Variants in OXNAD1 observed in about 807,000 individuals in gnomAD.
OXNAD1 encodes oxidoreductase NAD-binding domain-containing protein 1.
OXNAD1 carries 34 observed loss-of-function variants against 32.9 expected under a neutral mutation model. The observed-to-expected ratio is 1.03, with a 90% CI of 0.79 to 1.38. OXNAD1 has a LOEUF of 1.38. OXNAD1 is among the 40% of genes most tolerant of loss of function. The pLI is 0.00. For missense variants in OXNAD1, 407 were observed against 379.4 expected (o/e 1.07, Z -0.60); for synonymous variants, 134 against 135.2 (o/e 0.99, Z 0.06).
rs758445952 is a variant in OXNAD1, at chr3:16,301,582, C to T, written c.433-44C>T. 7 of 1,606,652 alleles carry T rather than the reference C, an allele frequency of 4.4e-6. No individual in the cohort carries two copies. Among genetic ancestry groups the T allele is most frequent in the Non-Finnish European group, 6.0e-6 (7 of 1,175,394 alleles). ...TTAAAGTAGAACATTTGGTTTAAGA[C>T]CTTTGCTACAAAAGACTAAAAGGTC... On this transcript the variant is annotated intron_variant, in intron 6 of 8. Transcript: ENST00000285083. This position sits in a 1 kb window ranked among gnomAD's most constrained non-coding sequence, Gnocchi z 4.1.
intron 6 of OXNAD1, among the ~76,000 whole-genome samples, chr3:16,296,884 G>A (rs1403020620): frequency 5.9e-5 from 9 of 152,032 alleles, no homozygotes; most frequent in Admixed American, 5.9e-4. Context: ...GTAAAACATG[G>A]TACTATAAAA....
intron 2 of OXNAD1, among the ~76,000 whole-genome samples, chr3:16,269,476 T>A (rs2064780012): frequency 6.6e-6 from 1 of 152,248 alleles, no homozygotes; most frequent in Non-Finnish European, 1.5e-5. Flanking sequence ...AAATATATCG[T>A]TTATCTAAAG....
intron 9 of OXNAD1, among the ~76,000 whole-genome samples, chr3:16,333,118 C>G (rs1027919697): frequency 6.6e-6 from 1 of 152,214 alleles, no homozygotes; most frequent in Admixed American, 6.5e-5. Context: ...TAAAGCACAT[C>G]ATAGCATTCC....
chr3:16,276,027 T>G (rs1210438317), intron 4 of OXNAD1: 1 of 155,308 alleles, frequency 6.4e-6, no homozygotes, highest in Non-Finnish European at 1.4e-5. Flanking sequence ...TTAACTAGTT[T>G]AAGAGTTAAC....
At position 16,297,906 on chromosome 3, in the gene OXNAD1, T is replaced by C. The variant is rs1436173115; in HGVS notation, c.432+2909T>C. ...ATATATGTTTTGATTTTGATGATTGTTACCCAGATCTATATGTGTGTTAAA... is the reference window on the plus strand; with the variant it reads ...ATATATGTTTTGATTTTGATGATTGCTACCCAGATCTATATGTGTGTTAAA... On this transcript the variant is annotated intron_variant, in intron 6 of 8. Transcript: ENST00000285083. This position sits in a 1 kb window ranked among gnomAD's most constrained non-coding sequence, Gnocchi z 4.3. 6.6e-6 allele frequency among the ~76,000 whole-genome samples: 1 copy of C among 152,208 alleles called. No homozygotes were observed. Among genetic ancestry groups the C allele is most frequent in the African/African-American group, 2.4e-5 (1 of 41,442 alleles).
chr3:16,270,910 A>G (rs1279224176), intron 2 of OXNAD1, 35 bp from the exon 3 acceptor site: 9 of 1,613,178 alleles, frequency 5.6e-6, no homozygotes, highest in Non-Finnish European at 7.6e-6. Context: ...ACTTTTAAAA[A>G]AACAATTTGA....
At chr3:16,349,148 A>G (rs891151713) in intron 9 of OXNAD1, 1 of 152,226 alleles carries the variant, frequency 6.6e-6, no homozygotes. Context: ...TGTATAAACT[A>G]AGCTTTTCTC....
rs748503127 is a variant in OXNAD1, at chr3:16,335,834, G to A, written c.*31-1278G>A. Among the ~76,000 whole-genome samples, 1 of 151,650 alleles carries A rather than the reference G, an allele frequency of 6.6e-6. No homozygotes were observed. The highest frequency in any genetic ancestry group is 2.1e-4 in the South Asian group (1 of 4,822). On this transcript the variant is annotated intron_variant, in intron 9 of 9. Coordinates refer to the OXNAD1 transcript ENST00000435829. This position sits in a 1 kb window ranked among gnomAD's most constrained non-coding sequence, Gnocchi z 4.7. ...ACCATCAAATATCTCAAGAGGGCAA[G>A]TCACAAGGAGCCTGGAAACTGGATG...
chr3:16,321,476 C>T lies in OXNAD1; in HGVS notation c.*31-15636C>T, dbSNP rs189343843. On this transcript the variant is annotated intron_variant, in intron 9 of 9. Transcript: ENST00000435829. The surrounding 1 kb of genome is among the most constrained non-coding windows in gnomAD (Gnocchi z 4.8). ...GATGAGGACTAGATGGAGTGACTCTCGGTCACCAGGGGACACAGGCCTGTG... is the reference window on the plus strand; with the variant it reads ...GATGAGGACTAGATGGAGTGACTCTTGGTCACCAGGGGACACAGGCCTGTG... Among the ~76,000 whole-genome samples, 45 of 152,270 alleles carry T rather than the reference C, an allele frequency of 3.0e-4. No individual in the cohort carries two copies. Among genetic ancestry groups the T allele is most frequent in the Non-Finnish European group, 5.0e-4 (34 of 68,012 alleles).
chr3:16,307,832 C>T (rs183542354), downstream of OXNAD1, among the ~76,000 whole-genome samples: 181 of 152,238 alleles, frequency 1.2e-3, 3 homozygotes, highest in Non-Finnish European at 2.0e-3. Context: ...AAATGTTTAA[C>T]GTAGTTGTGG....
At position 16,303,680 on chromosome 3, in the gene OXNAD1, T is replaced by C; in HGVS notation, c.*118T>C. The C allele has an allele frequency of 8.7e-7, 1 of 1,146,334 alleles. No homozygotes were observed. Among genetic ancestry groups the C allele is most frequent in the Non-Finnish European group, 1.2e-6 (1 of 851,632 alleles). 71.0% of individuals were successfully genotyped at this position (1,146,334 alleles called of 1,614,324 possible). ...TGAGTTGTCTTATTTTTTAAGGCTATAAACTTAGTGACCAGCTGGATAATA... is the reference window on the plus strand; with the variant it reads ...TGAGTTGTCTTATTTTTTAAGGCTACAAACTTAGTGACCAGCTGGATAATA... On this transcript the variant is annotated 3_prime_UTR_variant, in exon 9 of 9. Coordinates refer to ENST00000285083, the MANE Select transcript of OXNAD1 (RefSeq NM_138381.5). The surrounding 1 kb of genome is among the most constrained non-coding windows in gnomAD (Gnocchi z 4.8).
chr3:16,274,899 A>G (rs1291864147), intron 4 of OXNAD1, among the ~76,000 whole-genome samples: 2 of 152,268 alleles, frequency 1.3e-5, no homozygotes, highest in East Asian at 3.8e-4. Context: ...TTTTCTAAAA[A>G]TGAGCATTTT....
rs143871750 is a variant in OXNAD1, at chr3:16,320,841, C to T, written c.*31-16271C>T. Among the ~76,000 whole-genome samples, 60 of 152,308 alleles carry T rather than the reference C, an allele frequency of 3.9e-4. No homozygotes were observed. The highest frequency in any genetic ancestry group is 1.3e-3 in the African/African-American group (56 of 41,570). On this transcript the variant is annotated intron_variant, in intron 9 of 9. Transcript: ENST00000435829. This position sits in a 1 kb window ranked among gnomAD's most constrained non-coding sequence, Gnocchi z 4.5. ...GCCTTGAGGGCCACAGTACTGATTT[C>T]CATCTTTGTCTTCAGAGTCATACAA...
At position 16,336,776 on chromosome 3, in the gene OXNAD1, G is replaced by T. The variant is rs981707044; in HGVS notation, c.*31-336G>T. ...GACTCTTTACCCACCCAGTGCTGGT[G>T]AATTCACATCTTTGTCTCATTTTCT... is the stretch of plus-strand genomic sequence containing the variant. On this transcript the variant is annotated intron_variant, in intron 9 of 9. Transcript: ENST00000435829. The surrounding 1 kb of genome is among the most constrained non-coding windows in gnomAD (Gnocchi z 6.0). Among the ~76,000 whole-genome samples the T allele has an allele frequency of 6.6e-6, 1 of 152,170 alleles. No individual in the cohort carries two copies. Among genetic ancestry groups the T allele is most frequent in the African/African-American group, 2.4e-5 (1 of 41,434 alleles).
chr3:16,317,977 G>A lies in OXNAD1; in HGVS notation c.*30+14385G>A, dbSNP rs1192538894. Among the ~76,000 whole-genome samples the A allele has an allele frequency of 6.6e-6, 1 of 152,208 alleles. No homozygotes were observed. Among genetic ancestry groups the A allele is most frequent in the East Asian group, 1.9e-4 (1 of 5,202 alleles). On this transcript the variant is annotated intron_variant, in intron 9 of 9. Transcript: ENST00000435829. The surrounding 1 kb of genome is among the most constrained non-coding windows in gnomAD (Gnocchi z 4.3). ...CCTCTGCCCGCTACTGTACCGACAA[G>A]TGTTCTAAGGTAACTCCCTCTAAAA...
In OXNAD1 at chr3:16,277,568, C is replaced by T. The variant is rs2065441736; in HGVS notation, c.183+5846C>T. ...ATGAGGTAGCCTAAGGATACGATGC[C>T]ATCTGGATTTTACAAAGAGGAAGCA... On this transcript the variant is annotated intron_variant, in intron 4 of 8. Transcript: ENST00000285083. This position sits in a 1 kb window ranked among gnomAD's most constrained non-coding sequence, Gnocchi z 4.3. 6.6e-6 allele frequency among the ~76,000 whole-genome samples: 1 copy of T among 152,292 alleles called. No individual in the cohort carries two copies. Among genetic ancestry groups the T allele is most frequent in the African/African-American group, 2.4e-5 (1 of 41,560 alleles).
rs77883979 is a variant in OXNAD1, at chr3:16,266,602, CAA to C, written c.-159+1120_-159+1121del. Among the ~76,000 whole-genome samples the C allele has an allele frequency of 8.6e-3, 629 of 73,022 alleles. 2 individuals carry two copies. Among genetic ancestry groups the C allele is most frequent in the African/African-American group, 0.03 (517 of 17,422 alleles). 47.9% of individuals were successfully genotyped at this position (73,022 alleles called of 152,430 possible). A position where few individuals can be genotyped will look rare whatever the true frequency, so the allele number is the denominator to read the frequency against. On this transcript the variant is annotated intron_variant, in intron 1 of 8. Coordinates refer to ENST00000285083, the MANE Select transcript of OXNAD1 (RefSeq NM_138381.5). The stretch of plus-strand genomic sequence containing the variant: ...TGGGCGACAGAGCTAGACGCTGTCT[CAA>C]AAAAAAAAAAAAAAAAAAAAAAGAA...
At chr3:16,291,181 A>G (rs954951196) in intron 5 of OXNAD1, among the ~76,000 whole-genome samples, 2 of 152,224 alleles carry the variant, frequency 1.3e-5, no homozygotes, top group East Asian at 3.8e-4. Flanking sequence ...ATATCGGCCT[A>G]TTAAGTCTGT....
chr3:16,339,997 G>A (rs1040690500), downstream of OXNAD1: 1 of 152,220 alleles, frequency 6.6e-6, no homozygotes, highest in Non-Finnish European at 1.5e-5. Flanking sequence ...CCAGGATGCT[G>A]TGTTACCATT....
Sources: gnomAD v4.1 joint callset for allele counts (sites outside exome capture counted in the v4.1 genomes callset) on GRCh38, gnomAD v4.1.1 for gene constraint, Gnocchi (gnomAD v3.1) non-coding constraint, MANE v1.5 for transcripts, NCBI Gene and HGNC (gene_info 2026-07-23, HGNC 2026-07-21) for gene names.